ADGRF4: variants seen among roughly 807,000 people sequenced by gnomAD.
The protein encoded by ADGRF4 is adhesion G protein-coupled receptor F4.
In ADGRF4, 63 loss-of-function variants were observed where a neutral mutation model predicts 58.5. That is an observed-to-expected ratio of 1.08 (90% confidence interval 0.88 to 1.33). The LOEUF is 1.33. Ranked by LOEUF, ADGRF4 falls within the 40% of genes most tolerant of loss-of-function variation. The pLI is 0.00. For missense variants in ADGRF4, 931 were observed against 843.9 expected, an observed-to-expected ratio of 1.10 and a Z score of -1.28; for synonymous variants, 313 against 295.4, an observed-to-expected ratio of 1.06 and a Z score of -0.61.
At position 47,715,112 on chromosome 6, in the gene ADGRF4, G is replaced by A. The variant is rs143252052; in HGVS notation, c.1867G>A (p.Ala623Thr). The A allele has an allele frequency of 3.1e-6, 5 of 1,605,942 alleles. No individual in the cohort carries two copies. The highest frequency in any genetic ancestry group is 4.3e-6 in the Non-Finnish European group (5 of 1,173,140). The change falls in exon 6 of 10, where the codon GCC (alanine) becomes ACC (threonine). Residue 623 changes from alanine to threonine, a missense_variant. Transcript: ENST00000283303. ...GGGACTGACCTGGGGTTTTGGAATA[G>A]CCACTCTCATAGAAGGCACTTCCTT... ...LLGLTWGFGI[A>T]TLIEGTSLTF...
chr6:47,712,781 T>A (rs528837973), intron 5 of ADGRF4, among the ~76,000 whole-genome samples, 173 bp downstream of exon 5: 1 of 152,334 alleles, frequency 6.6e-6, no homozygotes, highest in Non-Finnish European at 1.5e-5. Flanking sequence ...GGTTTTCAAG[T>A]AGTTAAAACA....
chr6:47,717,001 C>T (rs1772036541), intron 7 of ADGRF4, among the ~76,000 whole-genome samples, 154 bp downstream of exon 7: 1 of 151,962 alleles, frequency 6.6e-6, no homozygotes. Flanking sequence ...AAAAAACACA[C>T]CAATATTCTG....
intron 3 of ADGRF4, among the ~76,000 whole-genome samples, chr6:47,710,339 G>T (rs1771831026): frequency 6.6e-6 from 1 of 152,060 alleles, no homozygotes; most frequent in South Asian, 2.1e-4. Flanking sequence ...AAAGTTTATG[G>T]ACTCCTGCTC....
Position 47,717,549 on chromosome 6 carries a change from G to A in ADGRF4, c.2034+198G>A, listed in dbSNP as rs115100241. On this transcript the variant is annotated intron_variant, in intron 8 of 9. Coordinates refer to ENST00000283303, the MANE Select transcript of ADGRF4 (RefSeq NM_153838.5). ...AGGTCAGTGGAATATACCCTTCAAG[G>A]GAATGTTTCACATTGGATGTATTTC... Among the ~76,000 whole-genome samples, 662 of 152,296 alleles carry A rather than the reference G, an allele frequency of 4.3e-3. 3 individuals are homozygous for A. Among genetic ancestry groups the A allele is most frequent in the African/African-American group, 0.014 (577 of 41,560 alleles).
intron 9 of ADGRF4, 147 bp downstream of exon 9, chr6:47,718,592 A>G (rs1004503950): frequency 6.1e-6 from 4 of 656,202 alleles, no homozygotes; most frequent in Non-Finnish European, 1.1e-5. Flanking sequence ...GAATGGAAAC[A>G]TCTTTATTGT....
intron 3 of ADGRF4, among the ~76,000 whole-genome samples, chr6:47,710,205 G>A (rs1459693377): frequency 6.6e-6 from 1 of 152,126 alleles, no homozygotes; most frequent in East Asian, 1.9e-4. Context: ...TAGTATTCAT[G>A]GTGACTTTAT....
rs753598524 is a variant in ADGRF4 at position 47,710,755 on chromosome 6, A to G, written c.169A>G (p.Ile57Val). The G allele has an allele frequency of 1.2e-6, 2 of 1,606,958 alleles. No individual in the cohort carries two copies. Among genetic ancestry groups the G allele is most frequent in the African/African-American group, 1.3e-5 (1 of 74,372 alleles). The change falls in exon 4 of 10, where the codon ATT (isoleucine) becomes GTT (valine). Residue 57 changes from isoleucine to valine, a missense_variant. Coordinates refer to ENST00000283303, the MANE Select transcript of ADGRF4 (RefSeq NM_153838.5). The part of the protein sequence containing the change: ...RIQEKCEGPC[I>V]SSSNCSQPCA... ...TATAGAGAAATGCGAAGGACCTTGT[A>G]TTTCTTCTTCCAACTGCAGCCAGCC...
Position 47,716,820 on chromosome 6 carries a change from G to A in ADGRF4, c.1947G>A (p.Leu649=), listed in dbSNP as rs138454172. 3.6e-5 allele frequency: 58 copies of A among 1,601,298 alleles called. 2 individuals are homozygous for A. Among genetic ancestry groups the A allele is most frequent in the Admixed American group, 3.5e-4 (20 of 57,304 alleles). Residue 649 remains leucine (L), a synonymous_variant, in exon 7 of 10, where the codon CTG becomes CTA. Coordinates refer to ENST00000283303, the MANE Select transcript of ADGRF4 (RefSeq NM_153838.5). The part of the protein sequence containing the change: ...LLNAFQGFFI[L]LFGTIMDHKI... ...TTTTGCCACAGGGTTTTTTCATCCT[G>A]CTGTTTGGAACCATTATGGATCACA...
At chr6:47,717,477 C>A in intron 8 of ADGRF4, 126 bp downstream of exon 8, 1 of 719,544 alleles carries the variant, frequency 1.4e-6, no homozygotes, top group Non-Finnish European at 2.6e-6. Context: ...GTACTTCATT[C>A]ATTCATTTCT....
rs553575065 is a variant in ADGRF4 at position 47,710,899 on chromosome 6, C to A, written c.300+13C>A. On this transcript the variant is annotated intron_variant, in intron 4 of 9. Transcript: ENST00000283303. ...AAAACTCTTTAAGGTGATGCATTCA[C>A]AAATTATTGGTGACAGAAGCCAATC... 1.4e-5 allele frequency: 22 copies of A among 1,607,640 alleles called. No homozygotes were observed. Among genetic ancestry groups the A allele is most frequent in the Non-Finnish European group, 1.9e-5 (22 of 1,177,600 alleles).
rs1356097233 is a variant in ADGRF4, at chr6:47,715,146, A to G, written c.1901A>G (p.His634Arg). The G allele has an allele frequency of 5.7e-6, 9 of 1,591,516 alleles. No individual in the cohort carries two copies. The highest frequency in any genetic ancestry group is 2.3e-5 in the East Asian group (1 of 44,224). ...ATAGAAGGCACTTCCTTGACGTTCC[A>G]TATAATTTTTGCCTTGCTCAATGCT... ...TLIEGTSLTF[H>R]IIFALLNAFQ... The change falls in exon 6 of 10, where the codon CAT (histidine) becomes CGT (arginine). Residue 634 changes from histidine to arginine, a missense_variant. Physicochemically the swap from His to Arg is conservative, Grantham distance 29. Coordinates refer to ENST00000283303, the MANE Select transcript of ADGRF4 (RefSeq NM_153838.5).
chr6:47,713,740 C>A, intron 5 of ADGRF4, 58 bp from the exon 6 acceptor site: 1 of 1,331,280 alleles, frequency 7.5e-7, no homozygotes, highest in South Asian at 1.9e-5. Context: ...TTTTAGAAAT[C>A]AACTTTGTAC....
intron 6 of ADGRF4, 52 bp downstream of exon 6, chr6:47,715,229 A>G: frequency 7.8e-7 from 1 of 1,277,750 alleles, no homozygotes; most frequent in Admixed American, 2.3e-5. Context: ...GACCACAAAA[A>G]AATGGCTATG....
chr6:47,706,295 T>A (rs1771708201), intron 1 of ADGRF4, among the ~76,000 whole-genome samples: 1 of 152,146 alleles, frequency 6.6e-6, no homozygotes, highest in Admixed American at 6.5e-5. Context: ...GGTAGAACTC[T>A]CAGGAAAAAG....
Position 47,714,064 on chromosome 6 carries a change from A to G in ADGRF4, c.819A>G (p.Val273=), listed in dbSNP as rs1474219049. The change falls in exon 6 of 10, where the codon GTA becomes GTG. Residue 273 remains valine, a synonymous_variant. Transcript: ENST00000283303. ...CCACAGAAGATATCTTAGGAATGGT[A>G]CAGATTCCCAGGCAAGAGCTAAGGA... ...NNTTEDILGM[V]QIPRQELRKL... is the part of the protein sequence containing the mutation. 6.2e-7 allele frequency: 1 copy of G among 1,613,898 alleles called. No individual in the cohort carries two copies. The highest frequency in any genetic ancestry group is 8.5e-7 in the Non-Finnish European group (1 of 1,179,998).
chr6:47,699,404 C>T (rs972731104), intron 1 of ADGRF4, among the ~76,000 whole-genome samples: 2 of 152,164 alleles, frequency 1.3e-5, no homozygotes, highest in Admixed American at 1.3e-4. Context: ...TCAGTGTCAG[C>T]ACATCATGAG....
rs763884159 is a variant in ADGRF4, at chr6:47,714,199, T to C, written c.954T>C (p.Gly318=). Residue 318 remains glycine (G), a synonymous_variant, in exon 6 of 10, where the codon GGT becomes GGC. Transcript: ENST00000283303. ...QNVSLPRQVN[G]LVLSVVLPER... ...TGAGTCTTCCCAGACAGGTAAATGG[T>C]CTGGTGCTATCAGTGGTTTTACCAG... The C allele has an allele frequency of 3.7e-6, 6 of 1,613,964 alleles. No individual in the cohort carries two copies. The African/African-American group carries it at 8.0e-5, about 22-fold the overall frequency.
Position 47,707,441 on chromosome 6 carries a change from A to G in ADGRF4, c.93+103A>G, listed in dbSNP as rs956253026. The G allele has an allele frequency of 6.5e-6, 5 of 770,400 alleles. No individual in the cohort carries two copies. In the African/African-American group the frequency reaches 8.6e-5, roughly 13 times the overall value. 47.7% of individuals were successfully genotyped at this position (770,400 alleles called of 1,614,324 possible). On this transcript the variant is annotated intron_variant, in intron 2 of 9. Coordinates refer to ENST00000283303, the MANE Select transcript of ADGRF4 (RefSeq NM_153838.5). ...GATGTCATTTTAAATACATTTTCAA[A>G]TGGTTACAACTTTACTCTTGCTGAT...
intron 9 of ADGRF4, among the ~76,000 whole-genome samples, chr6:47,720,022 T>C (rs1336092851): frequency 1.3e-5 from 2 of 152,174 alleles, no homozygotes; most frequent in Non-Finnish European, 2.9e-5. Context: ...TTCTCAGTAT[T>C]GGGGACTATG....
Sources: allele counts gnomAD v4.1 joint callset (sites outside exome capture counted in the v4.1 genomes callset), GRCh38; gene constraint gnomAD v4.1.1; transcripts MANE v1.5; gene names NCBI Gene and HGNC (gene_info 2026-07-23, HGNC 2026-07-21).